LDB2: variants seen among roughly 807,000 people sequenced by gnomAD.
LDB2 encodes LIM domain-binding protein 2.
In LDB2, 12 loss-of-function variants were observed where a neutral mutation model predicts 44.3. The observed-to-expected ratio is 0.27, with a 90% CI of 0.17 to 0.44. LDB2 has a LOEUF of 0.44. LDB2 is among the 20% of genes least tolerant of loss of function. The pLI, the probability that LDB2 is intolerant of heterozygous loss-of-function variation, is 1.00. For synonymous variants in LDB2, 164 were observed against 174.8 expected (o/e 0.94, Z 0.49); for missense variants, 344 against 473.5 (o/e 0.73, Z 2.54).
intron 1 of LDB2, among the ~76,000 whole-genome samples, chr4:16,790,336 T>C (rs1775434923): frequency 6.6e-6 from 1 of 152,198 alleles, no homozygotes; most frequent in Non-Finnish European, 1.5e-5. Flanking sequence ...TCATGCACCA[T>C]ATAAGGACAT....
chr4:16,705,083 T>A (rs1754320098), intron 2 of LDB2, among the ~76,000 whole-genome samples: 1 of 152,222 alleles, frequency 6.6e-6, no homozygotes. Context: ...ATTTCTGTTA[T>A]TAATTATGAA....
At chr4:16,839,256 C>T (rs773973821) in intron 1 of LDB2, among the ~76,000 whole-genome samples, 16 of 152,116 alleles carry the variant, frequency 1.1e-4, no homozygotes, top group Non-Finnish European at 1.8e-4. Flanking sequence ...GGACATCTGG[C>T]GAAAACCTCA....
intron 5 of LDB2, among the ~76,000 whole-genome samples, chr4:16,574,189 A>T (rs1369316599): frequency 6.6e-6 from 1 of 152,216 alleles, no homozygotes; most frequent in African/African-American, 2.4e-5. Context: ...AAGGCACAGG[A>T]TCAAAAACCA....
intron 1 of LDB2, among the ~76,000 whole-genome samples, chr4:16,813,948 T>G (rs1780406778): frequency 6.6e-6 from 1 of 151,634 alleles, no homozygotes; most frequent in Non-Finnish European, 1.5e-5. Context: ...CTCGGCTCAC[T>G]GCAAGCTCTG....
intron 2 of LDB2, among the ~76,000 whole-genome samples, chr4:16,666,668 AAC>A (rs1743318292): frequency 6.6e-6 from 1 of 152,218 alleles, no homozygotes; most frequent in South Asian, 2.1e-4. Context: ...GCTGCGAGGT[AAC>A]AGTTTTGTGG....
At chr4:16,561,370 TCTCAGGATAC>T (rs1742179779) in intron 5 of LDB2, among the ~76,000 whole-genome samples, 3 of 152,022 alleles carry the variant, frequency 2.0e-5, no homozygotes, top group Non-Finnish European at 2.9e-5. Context: ...TTCAGCAAAG[TCTCAGGATAC>T]AAAATCAATG....
At chr4:16,798,943 C>T (rs1375490672) in intron 1 of LDB2, among the ~76,000 whole-genome samples, 2 of 152,234 alleles carry the variant, frequency 1.3e-5, no homozygotes, top group Admixed American at 6.5e-5. Context: ...CTCCGCCTCC[C>T]GGGTTCACGC....
intron 2 of LDB2, among the ~76,000 whole-genome samples, chr4:16,706,007 T>A (rs1406712788): frequency 6.6e-6 from 1 of 152,214 alleles, no homozygotes; most frequent in African/African-American, 2.4e-5. Context: ...TTGTGGATAA[T>A]AGCCCAGAGG....
At chr4:16,765,410 A>G (rs1184750566) in intron 1 of LDB2, among the ~76,000 whole-genome samples, 2 of 152,240 alleles carry the variant, frequency 1.3e-5, no homozygotes, top group Admixed American at 6.5e-5. Context: ...GCCAAGATGC[A>G]GTTTGTGGAC....
chr4:16,807,214 G>T (rs1778951062), intron 1 of LDB2, among the ~76,000 whole-genome samples: 1 of 152,166 alleles, frequency 6.6e-6, no homozygotes, highest in African/African-American at 2.4e-5. Flanking sequence ...ACTTCACAGG[G>T]TTAGAACTGA....
At chr4:16,527,078 G>C (rs1159736912) in intron 5 of LDB2, among the ~76,000 whole-genome samples, 1 of 152,162 alleles carries the variant, frequency 6.6e-6, no homozygotes, top group East Asian at 1.9e-4. Context: ...TTATTTATCT[G>C]TTCTCGAATG....
At chr4:16,830,871 G>A (rs982349411) in intron 1 of LDB2, among the ~76,000 whole-genome samples, 12 of 152,176 alleles carry the variant, frequency 7.9e-5, no homozygotes, top group Non-Finnish European at 1.6e-4. Context: ...ACCTGATGAT[G>A]CTTTTAATTT....
intron 5 of LDB2, among the ~76,000 whole-genome samples, chr4:16,558,589 G>A (rs1462437145): frequency 6.6e-6 from 1 of 152,204 alleles, no homozygotes; most frequent in Non-Finnish European, 1.5e-5. Context: ...TCTGATTGGT[G>A]TACCTGAAAG....
At chr4:16,854,819 T>C (rs1321850916) in intron 1 of LDB2, among the ~76,000 whole-genome samples, 1 of 152,002 alleles carries the variant, frequency 6.6e-6, no homozygotes, top group East Asian at 1.9e-4. Flanking sequence ...AGCCTTTCTA[T>C]GTTAGCACAT....
intron 1 of LDB2, among the ~76,000 whole-genome samples, chr4:16,835,215 C>T (rs140580345): frequency 1.9e-4 from 29 of 152,198 alleles, no homozygotes; most frequent in Non-Finnish European, 3.1e-4. Flanking sequence ...TGTGTTTGCC[C>T]GTATAACCAC....
chr4:16,744,146 G>GGTTT (rs143933539), intron 2 of LDB2, among the ~76,000 whole-genome samples: 6,865 of 151,828 alleles, frequency 0.045, 154 homozygotes, highest in South Asian at 0.083. Context: ...AGACTCATGT[G>GGTTT]GTTTGTTTGT....
intron 2 of LDB2, among the ~76,000 whole-genome samples, chr4:16,598,568 T>C (rs1721686058): frequency 6.6e-6 from 1 of 152,116 alleles, no homozygotes; most frequent in African/African-American, 2.4e-5. Flanking sequence ...GAAATATTTG[T>C]ATTTTAAGTC....
At chr4:16,541,182 G>A (rs1733638127) in intron 5 of LDB2, among the ~76,000 whole-genome samples, 1 of 152,154 alleles carries the variant, frequency 6.6e-6, no homozygotes, top group Non-Finnish European at 1.5e-5. Flanking sequence ...AGTACTGGAG[G>A]TGGGGTGTGG....
chr4:16,607,205 T>A lies in LDB2; in HGVS notation c.236-11330A>T, dbSNP rs115216989. Reference sequence around the variant, plus strand: ...AAACTGGCTCTCCCCCACACCCTTTTCTCAATGCCATTTCAATCTCATCTA... The same window carrying A: ...AAACTGGCTCTCCCCCACACCCTTTACTCAATGCCATTTCAATCTCATCTA... On this transcript the variant is annotated intron_variant, in intron 2 of 7. Coordinates refer to ENST00000304523, the MANE Select transcript of LDB2 (RefSeq NM_001290.5). Among the ~76,000 whole-genome samples the A allele has an allele frequency of 8.5e-3, 1,302 of 152,346 alleles. 25 individuals carry two copies. Among genetic ancestry groups the A allele is most frequent in the African/African-American group, 0.03 (1,238 of 41,574 alleles).
Sources: allele counts gnomAD v4.1 joint callset (sites outside exome capture counted in the v4.1 genomes callset), GRCh38; gene constraint gnomAD v4.1.1; transcripts MANE v1.5; gene names NCBI Gene and HGNC (gene_info 2026-07-23, HGNC 2026-07-21).